LRP1B: variants seen among roughly 807,000 people sequenced by gnomAD.
LRP1B encodes the protein LDL receptor related protein 1B.
A neutral mutation model predicts 556.6 loss-of-function variants in LRP1B; 217 were observed. The observed-to-expected ratio is 0.39, with a 90% CI of 0.35 to 0.44. LRP1B has a LOEUF of 0.44. Among genes scored for constraint, LRP1B ranks in the 20% least tolerant of loss-of-function variants. The probability of loss-of-function intolerance (pLI) is 1.00; values close to 1 mark genes in which losing one functional copy is unlikely to be tolerated. For missense variants in LRP1B, 5,053 were observed against 5,620.8 expected (o/e 0.90, Z 3.23); for synonymous variants, 2,047 against 1,865.8 (o/e 1.10, Z -2.50).
At chr2:140,310,659 A>G (rs1232940894) in intron 83 of LRP1B, among the ~76,000 whole-genome samples, 2 of 151,842 alleles carry the variant, frequency 1.3e-5, no homozygotes, top group Non-Finnish European at 2.9e-5. Context: ...AGGACATCCT[A>G]TTCAATAAAT....
intron 85 of LRP1B, among the ~76,000 whole-genome samples, chr2:140,271,986 A>G (rs528550799): frequency 6.6e-6 from 1 of 152,076 alleles, no homozygotes; most frequent in East Asian, 1.9e-4. Context: ...TACAAAAAAA[A>G]GATAACTGTT....
At chr2:141,875,663 G>A (rs1037161619) in intron 1 of LRP1B, among the ~76,000 whole-genome samples, 5 of 151,834 alleles carry the variant, frequency 3.3e-5, no homozygotes, top group Admixed American at 6.6e-5. Flanking sequence ...GAATGAAAGC[G>A]ATTACTTATT....
At chr2:140,507,947 G>A (rs1275969079) in intron 52 of LRP1B, among the ~76,000 whole-genome samples, 2 of 151,870 alleles carry the variant, frequency 1.3e-5, no homozygotes, top group Non-Finnish European at 2.9e-5. Context: ...TTCTTATAAG[G>A]GCTAGATAAT....
intron 4 of LRP1B, among the ~76,000 whole-genome samples, chr2:141,248,460 G>A (rs553058487): frequency 5.9e-5 from 9 of 152,208 alleles, no homozygotes; most frequent in East Asian, 1.9e-4. Flanking sequence ...TGAAGACTTC[G>A]TATTAAACAG....
At chr2:141,314,843 TAC>T (rs1322135916) in intron 3 of LRP1B, among the ~76,000 whole-genome samples, 1 of 132,964 alleles carries the variant, frequency 7.5e-6, no homozygotes, top group African/African-American at 2.8e-5. Context: ...TATATATATA[TAC>T]ACATATATAT....
At chr2:140,744,643 T>C (rs1688258948) in intron 35 of LRP1B, among the ~76,000 whole-genome samples, 1 of 152,232 alleles carries the variant, frequency 6.6e-6, no homozygotes, top group Non-Finnish European at 1.5e-5. Context: ...TTTTCCTTTA[T>C]TCAAGTATTT....
chr2:141,579,723 A>ATTTTTT (rs1559153915), intron 2 of LRP1B, among the ~76,000 whole-genome samples: 4 of 31,140 alleles, frequency 1.3e-4, no homozygotes, highest in Admixed American at 5.0e-4. Flanking sequence ...ATCAGGTTTC[A>ATTTTTT]CTTTTTTTTT....
intron 43 of LRP1B, among the ~76,000 whole-genome samples, chr2:140,577,595 C>T (rs1681581412): frequency 6.6e-6 from 1 of 151,566 alleles, no homozygotes; most frequent in South Asian, 2.1e-4. Context: ...TTATTTTTTT[C>T]AGTTTTGCAG....
chr2:140,845,200 A>G (rs983292261), intron 29 of LRP1B, among the ~76,000 whole-genome samples: 3 of 152,206 alleles, frequency 2.0e-5, no homozygotes, highest in Non-Finnish European at 4.4e-5. Flanking sequence ...CTACTGTGCT[A>G]CTAGAAACTA....
intron 2 of LRP1B, among the ~76,000 whole-genome samples, chr2:141,713,994 G>T (rs1692472846): frequency 1.3e-5 from 2 of 151,984 alleles, no homozygotes; most frequent in South Asian, 4.1e-4. Flanking sequence ...TTTACACTGA[G>T]CAGTGATACT....
chr2:140,602,728 GT>G (rs958519091), intron 41 of LRP1B, among the ~76,000 whole-genome samples: 26 of 80,736 alleles, frequency 3.2e-4, no homozygotes, highest in East Asian at 8.3e-4. Context: ...TTTGAACAAT[GT>G]TTTTTTTCAT....
intron 41 of LRP1B, among the ~76,000 whole-genome samples, chr2:140,699,614 T>G (rs1441456): frequency 0.58 from 87,169 of 151,044 alleles, 26,660 homozygotes; most frequent in Middle Eastern, 0.75. Context: ...GTGTGAAGAA[T>G]AAGAAGATGG....
chr2:140,372,505 A>G (rs1683041546), intron 69 of LRP1B, among the ~76,000 whole-genome samples: 1 of 152,136 alleles, frequency 6.6e-6, no homozygotes, highest in Non-Finnish European at 1.5e-5. Flanking sequence ...TTGTAGAGAC[A>G]CCTAGCACAT....
At chr2:142,023,677 C>A (rs905840685) in intron 1 of LRP1B, among the ~76,000 whole-genome samples, 1 of 152,156 alleles carries the variant, frequency 6.6e-6, no homozygotes, top group African/African-American at 2.4e-5. Flanking sequence ...ACACAAAATG[C>A]CTTGAGCCAA....
At chr2:142,073,057 A>G (rs990815838) in intron 1 of LRP1B, among the ~76,000 whole-genome samples, 1 of 152,050 alleles carries the variant, frequency 6.6e-6, no homozygotes, top group African/African-American at 2.4e-5. Context: ...ATAGGAATTC[A>G]TCTGTAAATG....
In LRP1B at chr2:141,127,318, G is replaced by A. The variant is rs1701240304; in HGVS notation, c.1013+61103C>T. Among the ~76,000 whole-genome samples the A allele has an allele frequency of 2.0e-5, 3 of 152,222 alleles. No individual in the cohort carries two copies. The South Asian group carries it at 6.2e-4, about 32-fold the overall frequency. On this transcript the variant is annotated intron_variant, in intron 7 of 90. Coordinates refer to ENST00000389484, the MANE Select transcript of LRP1B (RefSeq NM_018557.3). ...AGTGTAAATTAGTCCAACCATTATG[G>A]AAGACAGTGTAGTGACTCCTCAAGG...
At chr2:141,356,392 A>G (rs1291320324) in intron 3 of LRP1B, among the ~76,000 whole-genome samples, 1 of 152,088 alleles carries the variant, frequency 6.6e-6, no homozygotes, top group Non-Finnish European at 1.5e-5. Context: ...GTTGTTCCCA[A>G]TAATATGATA....
intron 31 of LRP1B, among the ~76,000 whole-genome samples, chr2:140,825,585 C>T (rs1348260845): frequency 6.6e-6 from 1 of 152,086 alleles, no homozygotes; most frequent in Non-Finnish European, 1.5e-5. Context: ...ATCCATAGTG[C>T]CCAACATAAT....
intron 39 of LRP1B, 38 bp downstream of exon 39, chr2:140,702,103 C>T (rs2105427839): frequency 6.2e-7 from 1 of 1,601,624 alleles, no homozygotes. Flanking sequence ...ACTGAAATAA[C>T]ATTTTGAGAC....
Sources: gnomAD v4.1 joint callset for allele counts (sites outside exome capture counted in the v4.1 genomes callset) on GRCh38, gnomAD v4.1.1 for gene constraint, MANE v1.5 for transcripts, NCBI Gene and HGNC (gene_info 2026-07-23, HGNC 2026-07-21) for gene names.